The following FOXP2 variants were observed in gnomAD, a reference collection of about 807,000 sequenced individuals.
FOXP2 encodes forkhead box protein P2.
In FOXP2, 12 loss-of-function variants were observed where a neutral mutation model predicts 115.8. That is an observed-to-expected ratio of 0.10 (90% CI 0.07 to 0.17). The LOEUF (loss-of-function observed/expected upper bound fraction) is 0.17. Among genes scored for constraint, FOXP2 ranks in the 10% least tolerant of loss-of-function variants. The pLI is 1.00. For missense variants in FOXP2, 629 were observed against 843.5 expected (o/e 0.75, Z 3.15); for synonymous variants, 328 against 297.7 (o/e 1.10, Z -1.05).
At chr7:114,537,764 A>G (rs2129279311) in intron 3 of FOXP2, among the ~76,000 whole-genome samples, 1 of 151,780 alleles carries the variant, frequency 6.6e-6, no homozygotes, top group South Asian at 2.1e-4. Context: ...ATCTGAATAT[A>G]TGTATTTGAA....
At position 114,470,138 on chromosome 7, in the gene FOXP2, G is replaced by A. The variant is rs73718512; in HGVS notation, c.168+43459G>A. On this transcript the variant is annotated intron_variant, in intron 2 of 16. Transcript: ENST00000350908. ...AAAATGTTAGAAACAACCTACAAAAGCAAAATTGTCTCCTGGCTCCCTGCA... is the reference window on the plus strand; with the variant it reads ...AAAATGTTAGAAACAACCTACAAAAACAAAATTGTCTCCTGGCTCCCTGCA... Among the ~76,000 whole-genome samples the A allele has an allele frequency of 9.9e-3, 1,504 of 152,214 alleles. 24 individuals carry two copies. Among genetic ancestry groups the A allele is most frequent in the African/African-American group, 0.034 (1,400 of 41,532 alleles).
intron 1 of FOXP2, among the ~76,000 whole-genome samples, chr7:114,256,105 T>C (rs1446254198): frequency 6.6e-6 from 1 of 152,042 alleles, no homozygotes; most frequent in Non-Finnish European, 1.5e-5. Context: ...TGAGATAGTG[T>C]CTTTTTTTTT....
intron 1 of FOXP2, among the ~76,000 whole-genome samples, chr7:114,191,768 T>TA (rs1793766944): frequency 6.6e-6 from 1 of 152,152 alleles, no homozygotes; most frequent in Non-Finnish European, 1.5e-5. Flanking sequence ...TGTGATACAG[T>TA]ATTATTAGCC....
intron 1 of FOXP2, among the ~76,000 whole-genome samples, chr7:114,219,439 A>C (rs2129163382): frequency 6.6e-6 from 1 of 152,230 alleles, no homozygotes; most frequent in Non-Finnish European, 1.5e-5. Context: ...TGGTCATGTC[A>C]AAATATTTTT....
At chr7:114,618,563 A>G (rs1193978999) in intron 3 of FOXP2, among the ~76,000 whole-genome samples, 2 of 152,202 alleles carry the variant, frequency 1.3e-5, no homozygotes, top group Admixed American at 6.5e-5. Flanking sequence ...CCTGCTATAC[A>G]ACAGACAAAA....
At chr7:114,512,372 T>C (rs575784870) in intron 2 of FOXP2, among the ~76,000 whole-genome samples, 68 of 152,312 alleles carry the variant, frequency 4.5e-4, no homozygotes, top group Middle Eastern at 3.4e-3. Context: ...TATGATCCCA[T>C]ACGAATTCTC....
chr7:114,550,451 A>T (rs10953763), intron 3 of FOXP2, among the ~76,000 whole-genome samples: 26,159 of 151,996 alleles, frequency 0.17, 2,694 homozygotes, highest in African/African-American at 0.29. Context: ...TCTTTCTTCC[A>T]ACCTCCCTCT....
intron 1 of FOXP2, among the ~76,000 whole-genome samples, chr7:114,166,993 A>C (rs1317184523): frequency 6.6e-6 from 1 of 152,194 alleles, no homozygotes; most frequent in East Asian, 1.9e-4. Flanking sequence ...TCATATAACC[A>C]CTTTGAAAGA....
intron 2 of FOXP2, among the ~76,000 whole-genome samples, chr7:114,371,855 T>A (rs1260148828): frequency 6.6e-6 from 1 of 152,170 alleles, no homozygotes; most frequent in East Asian, 1.9e-4. Flanking sequence ...AATGTTTTAT[T>A]GTGGACCGTT....
intron 1 of FOXP2, among the ~76,000 whole-genome samples, chr7:114,109,018 A>T (rs1791198296): frequency 1.3e-5 from 2 of 151,910 alleles, no homozygotes. Flanking sequence ...AACTTTTAAT[A>T]TTTTGGTGAT....
intron 16 of FOXP2, chr7:114,666,460 A>G (rs1807168334): frequency 6.6e-6 from 1 of 152,152 alleles, no homozygotes; most frequent in African/African-American, 2.4e-5. Context: ...AGATGCTTGT[A>G]CTTAAACCAT....
intron 16 of FOXP2, among the ~76,000 whole-genome samples, chr7:114,688,540 G>C (rs952254591): frequency 6.6e-6 from 1 of 152,104 alleles, no homozygotes; most frequent in African/African-American, 2.4e-5. Flanking sequence ...CTTTTTCACA[G>C]CGATTCCCTG....
chr7:114,638,419 T>C (rs1563051480), intron 6 of FOXP2, among the ~76,000 whole-genome samples: 3 of 152,180 alleles, frequency 2.0e-5, no homozygotes, highest in Admixed American at 6.6e-5. Flanking sequence ...GTTTTGGAAA[T>C]ACTGAACTTG....
intron 1 of FOXP2, among the ~76,000 whole-genome samples, chr7:114,271,859 A>T (rs1304949087): frequency 2.4e-5 from 3 of 124,262 alleles, no homozygotes; most frequent in East Asian, 4.4e-4. Flanking sequence ...AATAATTATT[A>T]AAACATTATA....
intron 6 of FOXP2, among the ~76,000 whole-genome samples, chr7:114,634,505 A>G (rs1805106485): frequency 6.6e-6 from 1 of 152,056 alleles, no homozygotes; most frequent in African/African-American, 2.4e-5. Context: ...TATTTTAAAT[A>G]TTAATCATTT....
chr7:114,115,913 A>C (rs571923563), intron 1 of FOXP2, among the ~76,000 whole-genome samples: 1 of 152,254 alleles, frequency 6.6e-6, no homozygotes, highest in East Asian at 1.9e-4. Context: ...AAATGAATGA[A>C]TTTATTTATT....
intron 2 of FOXP2, among the ~76,000 whole-genome samples, chr7:114,299,952 A>C (rs1253411483): frequency 6.6e-6 from 1 of 152,108 alleles, no homozygotes; most frequent in African/African-American, 2.4e-5. Context: ...TCAGGTTGAC[A>C]TAGATATTCC....
chr7:114,418,632 T>C (rs998290270), intron 1 of FOXP2, among the ~76,000 whole-genome samples: 1 of 151,760 alleles, frequency 6.6e-6, no homozygotes, highest in Non-Finnish European at 1.5e-5. Flanking sequence ...AAAGCTATTG[T>C]AGTGTTTTAA....
At chr7:114,228,203 T>C (rs779644564) in intron 1 of FOXP2, among the ~76,000 whole-genome samples, 1 of 152,134 alleles carries the variant, frequency 6.6e-6, no homozygotes, top group East Asian at 1.9e-4. Context: ...CAAAATGGAC[T>C]AGACAAGAGT....
Sources: allele counts gnomAD v4.1 joint callset (sites outside exome capture counted in the v4.1 genomes callset), GRCh38; gene constraint gnomAD v4.1.1; transcripts MANE v1.5; gene names NCBI Gene and HGNC (gene_info 2026-07-23, HGNC 2026-07-21).